STYX: variants seen among roughly 807,000 people sequenced by gnomAD.
STYX encodes serine/threonine/tyrosine interacting protein, also known as serine/threonine/tyrosine-interacting protein.
STYX carries 20 observed loss-of-function variants against 42.7 expected under a neutral mutation model. That is an observed-to-expected ratio of 0.47 (90% confidence interval 0.33 to 0.68). The LOEUF is 0.68. STYX is among the 30% of genes least tolerant of loss of function. The probability of loss-of-function intolerance (pLI) is 0.02; values close to 1 mark genes in which losing one functional copy is unlikely to be tolerated. For missense variants in STYX, 226 were observed against 268.5 expected (o/e 0.84, Z 1.11); for synonymous variants, 78 against 81.9 (o/e 0.95, Z 0.26).
At chr14:52,746,930 G>A (rs1326413227) in intron 3 of STYX, among the ~76,000 whole-genome samples, 1 of 152,206 alleles carries the variant, frequency 6.6e-6, no homozygotes, top group Non-Finnish European at 1.5e-5. Flanking sequence ...CCAGACTTTA[G>A]AGAGCTAGTT....
rs559723425 is a variant in STYX at position 52,745,201 on chromosome 14, A to G, written c.90+317A>G. On this transcript the variant is annotated intron_variant, in intron 2 of 10. Coordinates refer to ENST00000354586, the MANE Select transcript of STYX (RefSeq NM_145251.4). ...AATGGCACGATCTCGGCTCACCGCA[A>G]CGTCCACCTCCCGGGTTCAAGTGAT... 3.3e-5 allele frequency among the ~76,000 whole-genome samples: 5 copies of G among 151,638 alleles called. No homozygotes were observed. In the South Asian group the frequency reaches 8.3e-4, roughly 25 times the overall value.
At chr14:52,751,118 G>A (rs1881593050) in intron 4 of STYX, among the ~76,000 whole-genome samples, 1 of 152,084 alleles carries the variant, frequency 6.6e-6, no homozygotes, top group South Asian at 2.1e-4. Flanking sequence ...TAGGGAAACA[G>A]CATCTACTGT....
Position 52,768,827 on chromosome 14 carries a change from A to AT in STYX, c.505-3dup, listed in dbSNP as rs540768627. On this transcript the variant is annotated splice_polypyrimidine_tract_variant and intron_variant, in intron 9 of 10. Coordinates refer to ENST00000354586, the MANE Select transcript of STYX (RefSeq NM_145251.4). ...AATATATAATTAAGTTAATTAACTT[A>AT]TTTTTTTTTTAGGAATATGAAGCCA... 1.9e-3 allele frequency: 2,667 copies of AT among 1,412,088 alleles called. 1 individual carries two copies. The highest frequency in any genetic ancestry group is 2.9e-3 in the Middle Eastern group (15 of 5,092). 87.5% of individuals were successfully genotyped at this position (1,412,088 alleles called of 1,614,324 possible). A position where few individuals can be genotyped will look rare whatever the true frequency, so the allele number is the denominator to read the frequency against.
At chr14:52,752,354 A>G (rs1401567470) in intron 4 of STYX, among the ~76,000 whole-genome samples, 4 of 147,466 alleles carry the variant, frequency 2.7e-5, no homozygotes, top group East Asian at 4.1e-4. Flanking sequence ...AGTCCCAGCT[A>G]CTCAGGAGGC....
chr14:52,731,122 C>T (rs1880681372), intron 1 of STYX, among the ~76,000 whole-genome samples: 1 of 152,200 alleles, frequency 6.6e-6, no homozygotes. Flanking sequence ...TACCTTTTCT[C>T]CTGGTTTCTA....
At chr14:52,756,675 CTTTTTTTTTT>C (rs748826005) in intron 5 of STYX, 64 bp downstream of exon 5, 12 of 71,888 alleles carry the variant, frequency 1.7e-4, no homozygotes, top group South Asian at 5.1e-4. Flanking sequence ...CTTAGTTGTG[CTTTTTTTTTT>C]TTTTTTTTTT....
At chr14:52,741,277 T>C (rs1476648801) in intron 1 of STYX, among the ~76,000 whole-genome samples, 1 of 150,800 alleles carries the variant, frequency 6.6e-6, no homozygotes, top group Non-Finnish European at 1.5e-5. Context: ...GATATTATAA[T>C]AGGGTAGGTG....
intron 9 of STYX, 47 bp downstream of exon 9, chr14:52,759,801 CT>C: frequency 8.0e-7 from 1 of 1,248,156 alleles, no homozygotes; most frequent in Non-Finnish European, 1.2e-6. Flanking sequence ...GATATAAAAT[CT>C]TTTATACATG....
chr14:52,759,455 A>G (rs1281294443), intron 8 of STYX, among the ~76,000 whole-genome samples: 3 of 152,156 alleles, frequency 2.0e-5, no homozygotes, highest in Non-Finnish European at 2.9e-5. Context: ...GTAGTTCCCC[A>G]AGGTAGGTGT....
intron 5 of STYX, among the ~76,000 whole-genome samples, 169 bp downstream of exon 5, chr14:52,756,780 C>T (rs1411532816): frequency 6.9e-6 from 1 of 145,688 alleles, no homozygotes; most frequent in East Asian, 2.1e-4. Context: ...CTCTGCTTCC[C>T]GGGTTCAAGT....
At chr14:52,765,668 G>A (rs576915499) in intron 9 of STYX, among the ~76,000 whole-genome samples, 39 of 152,148 alleles carry the variant, frequency 2.6e-4, no homozygotes, top group Non-Finnish European at 4.7e-4. Context: ...ATTTTTCCAC[G>A]GATGGGGTGG....
Position 52,759,768 on chromosome 14 carries a change from C to G in STYX, c.504+14C>G, listed in dbSNP as rs1380749274. ...CATCAACTTCAGGTAACTTTTCTTC[C>G]TCTTTAAGGCAATCAGAAGTAAGAT... On this transcript the variant is annotated intron_variant, in intron 9 of 10. Transcript: ENST00000354586. 6.5e-7 allele frequency: 1 copy of G among 1,528,070 alleles called. No homozygotes were observed. Among genetic ancestry groups the G allele is most frequent in the African/African-American group, 1.4e-5 (1 of 72,456 alleles). The allele number at this position is 1,528,070 out of a possible 1,614,324, so 94.7% of individuals were successfully genotyped here.
chr14:52,750,921 A>G (rs1881586164), intron 4 of STYX, 141 bp downstream of exon 4: 1 of 476,614 alleles, frequency 2.1e-6, no homozygotes, highest in Non-Finnish European at 3.6e-6. Context: ...TTTACTTAAA[A>G]TACTTAAATA....
In STYX at chr14:52,773,226, T is replaced by A. The variant is rs905956511; in HGVS notation, c.*2120T>A. ...TTTCTATCCACTGTAATTTTTATGT[T>A]GTCACTGAAGTGCCTGCCCAGTACT... On this transcript the variant is annotated 3_prime_UTR_variant, in exon 11 of 11. Transcript: ENST00000354586. 6.6e-6 allele frequency: 1 copy of A among 152,100 alleles called. No homozygotes were observed. The highest frequency in any genetic ancestry group is 1.5e-5 in the Non-Finnish European group (1 of 68,026). 9.4% of individuals were successfully genotyped at this position (152,100 alleles called of 1,614,324 possible).
Position 52,771,360 on chromosome 14 carries a change from A to G in STYX, c.*254A>G. 1 of 320,764 alleles carries G rather than the reference A, an allele frequency of 3.1e-6. No individual in the cohort carries two copies. Among genetic ancestry groups the G allele is most frequent in the East Asian group, 5.0e-5 (1 of 20,158 alleles). The allele number at this position is 320,764 out of a possible 1,614,324, so 19.9% of individuals were successfully genotyped here. A position where few individuals can be genotyped will look rare whatever the true frequency, so the allele number is the denominator to read the frequency against. ...ACACACATGCTTTACAAGTTTTATT[A>G]TAAACCAAGAATTTTGGACTTGCAA... On this transcript the variant is annotated 3_prime_UTR_variant, in exon 11 of 11. Coordinates refer to ENST00000354586, the MANE Select transcript of STYX (RefSeq NM_145251.4).
At chr14:52,737,091 A>G (rs1034095813) in intron 1 of STYX, among the ~76,000 whole-genome samples, 3 of 151,902 alleles carry the variant, frequency 2.0e-5, no homozygotes, top group African/African-American at 7.3e-5. Context: ...CCTATGTACA[A>G]TTTGTGTTTT....
At position 52,730,310 on chromosome 14, in the gene STYX, G is replaced by A; in HGVS notation, c.-165G>A. On this transcript the variant is annotated 5_prime_UTR_variant, in exon 1 of 11. Transcript: ENST00000354586. ...TGTCTTCGCCGCCGCCGCTGCTGGA[G>A]TCACTGGGACCCTGTAGTCTGCGTG... 4.6e-6 allele frequency: 3 copies of A among 651,796 alleles called. No individual in the cohort carries two copies. In the South Asian group the frequency reaches 5.5e-5, roughly 12 times the overall value. 40.4% of individuals were successfully genotyped at this position (651,796 alleles called of 1,614,324 possible). A position where few individuals can be genotyped will look rare whatever the true frequency, so the allele number is the denominator to read the frequency against.
At chr14:52,758,451 A>G (rs990223530) in intron 8 of STYX, among the ~76,000 whole-genome samples, 3 of 152,212 alleles carry the variant, frequency 2.0e-5, no homozygotes, top group African/African-American at 2.4e-5. Flanking sequence ...CTTGTTCTAC[A>G]AATTAGAAAT....
intron 1 of STYX, among the ~76,000 whole-genome samples, chr14:52,730,936 G>T (rs1880674115): frequency 6.6e-6 from 1 of 151,762 alleles, no homozygotes; most frequent in South Asian, 2.1e-4. Context: ...TAGACTCGGC[G>T]CCTGAAGTTT....
Sources: allele counts gnomAD v4.1 joint callset (sites outside exome capture counted in the v4.1 genomes callset), GRCh38; gene constraint gnomAD v4.1.1; transcripts MANE v1.5; gene names NCBI Gene and HGNC (gene_info 2026-07-23, HGNC 2026-07-21).